Variants in PDE4D observed in about 807,000 individuals in gnomAD.
PDE4D encodes the protein 3',5'-cyclic-AMP phosphodiesterase 4D.
In PDE4D, 24 loss-of-function variants were observed where a neutral mutation model predicts 87.4. The observed-to-expected ratio is 0.27, with a 90% CI of 0.20 to 0.39. The LOEUF (loss-of-function observed/expected upper bound fraction) is 0.39. Among genes scored for constraint, PDE4D ranks in the 10% least tolerant of loss-of-function variants. The pLI is 1.00. For synonymous variants in PDE4D, 384 were observed against 383.2 expected (o/e 1.00, Z -0.02); for missense variants, 714 against 1,041.0 (o/e 0.69, Z 4.32).
chr5:59,622,126 T>C (rs190652934), intron 1 of PDE4D, among the ~76,000 whole-genome samples: 78 of 152,226 alleles, frequency 5.1e-4, no homozygotes, highest in African/African-American at 1.8e-3. Flanking sequence ...AAATCAGATA[T>C]TTTGACTTAG....
At chr5:59,493,908 G>T (rs922432226) in intron 1 of PDE4D, among the ~76,000 whole-genome samples, 5 of 152,142 alleles carry the variant, frequency 3.3e-5, no homozygotes, top group African/African-American at 1.2e-4. Flanking sequence ...ATAAAACAGT[G>T]ATCTAATCAC....
chr5:59,262,410 T>C (rs1333241467), intron 1 of PDE4D, among the ~76,000 whole-genome samples: 3 of 151,974 alleles, frequency 2.0e-5, no homozygotes, highest in Non-Finnish European at 4.4e-5. Context: ...AATTACTTCC[T>C]CATTATTAAG....
intron 5 of PDE4D, among the ~76,000 whole-genome samples, chr5:59,170,799 C>T (rs1476443760): frequency 2.6e-5 from 4 of 151,854 alleles, no homozygotes; most frequent in Non-Finnish European, 5.9e-5. Context: ...ATAGAATTCA[C>T]ACATTATTTA....
chr5:59,257,009 T>G (rs1246481137), intron 1 of PDE4D, among the ~76,000 whole-genome samples: 1 of 152,010 alleles, frequency 6.6e-6, no homozygotes, highest in Non-Finnish European at 1.5e-5. Flanking sequence ...CCATTTTGTA[T>G]AAAGAGGGGG....
chr5:59,093,957 T>C (rs925438918), intron 5 of PDE4D, among the ~76,000 whole-genome samples: 18 of 152,040 alleles, frequency 1.2e-4, no homozygotes, highest in Admixed American at 3.3e-4. Context: ...TGTTGGCTCA[T>C]GCCTGTAATC....
intron 1 of PDE4D, among the ~76,000 whole-genome samples, chr5:59,629,239 T>C (rs1831268294): frequency 6.6e-6 from 1 of 152,132 alleles, no homozygotes; most frequent in Non-Finnish European, 1.5e-5. Flanking sequence ...TGTGTCCCCC[T>C]ATCAAAATTA....
chr5:59,437,947 A>G (rs1040511493), intron 1 of PDE4D, among the ~76,000 whole-genome samples: 2 of 152,124 alleles, frequency 1.3e-5, no homozygotes, highest in African/African-American at 4.8e-5. Flanking sequence ...GGCAGAAGGC[A>G]CCTCTTCACA....
chr5:59,046,767 A>C (rs1374112479), intron 5 of PDE4D, among the ~76,000 whole-genome samples: 1 of 152,146 alleles, frequency 6.6e-6, no homozygotes, highest in East Asian at 1.9e-4. Flanking sequence ...GAGAAGAGTC[A>C]AAGAAAGAGG....
chr5:59,195,977 G>A (rs1745376539), intron 2 of PDE4D, among the ~76,000 whole-genome samples: 1 of 152,118 alleles, frequency 6.6e-6, no homozygotes, highest in Non-Finnish European at 1.5e-5. Flanking sequence ...TGGAAGCAGG[G>A]AGACCAGTGT....
At chr5:59,566,241 T>C (rs1820854221) in intron 1 of PDE4D, among the ~76,000 whole-genome samples, 2 of 152,144 alleles carry the variant, frequency 1.3e-5, no homozygotes, top group Admixed American at 6.5e-5. Context: ...ACTGTCAGGG[T>C]GAAGTAAGGA....
rs1034182044 is a variant in PDE4D, at chr5:59,647,838, C to T, written c.455+245330G>A. The stretch of plus-strand genomic sequence containing the variant: ...GATGACTGAATGGAACTATTAAACA[C>T]ATAACTTATTCATATGATTTTATTT... On this transcript the variant is annotated intron_variant, in intron 1 of 14. Transcript: ENST00000340635. 1.2e-4 allele frequency among the ~76,000 whole-genome samples: 18 copies of T among 152,226 alleles called. No homozygotes were observed. In the East Asian group the frequency reaches 3.3e-3, roughly 28 times the overall value.
chr5:60,507,597 T>C (rs973515205), intron 1 of PDE4D, among the ~76,000 whole-genome samples: 5 of 152,292 alleles, frequency 3.3e-5, no homozygotes, highest in Non-Finnish European at 7.4e-5. Flanking sequence ...ACTGACAATA[T>C]AGGAAGTTTT....
At chr5:59,679,067 T>A (rs1748597021) in intron 1 of PDE4D, among the ~76,000 whole-genome samples, 1 of 151,930 alleles carries the variant, frequency 6.6e-6, no homozygotes, top group African/African-American at 2.4e-5. Context: ...TTCACTTAGT[T>A]TATTTTCTCT....
intron 1 of PDE4D, among the ~76,000 whole-genome samples, chr5:59,731,965 T>G (rs574351802): frequency 6.6e-6 from 1 of 152,166 alleles, no homozygotes; most frequent in African/African-American, 2.4e-5. Context: ...GCACAAAAGG[T>G]TTTTTCCAGA....
At position 59,275,322 on chromosome 5, in the gene PDE4D, G is replaced by A. The variant is rs548275811; in HGVS notation, c.456-59354C>T. 1,437 of 1,586,002 alleles carry A rather than the reference G, an allele frequency of 9.1e-4. 22 individuals carry two copies. The South Asian group carries it at 0.015, about 17-fold the overall frequency. ...AAAAGAGAAAAGGGGAAAAGCATGA[G>A]AGAAAAGAACGTTACCAAACTGCCT... On this transcript the variant is annotated intron_variant, in intron 1 of 14. Coordinates refer to ENST00000340635, the MANE Select transcript of PDE4D (RefSeq NM_001104631.2).
intron 1 of PDE4D, among the ~76,000 whole-genome samples, chr5:60,303,482 T>C (rs1048674750): frequency 1.4e-4 from 21 of 152,012 alleles, no homozygotes; most frequent in African/African-American, 4.8e-4. Context: ...ATAATTTTTG[T>C]ATTTTTAGTA....
intron 2 of PDE4D, among the ~76,000 whole-genome samples, chr5:60,004,946 G>A (rs893865714): frequency 1.3e-5 from 2 of 152,242 alleles, no homozygotes; most frequent in Non-Finnish European, 2.9e-5. Flanking sequence ...GCACTCTAAT[G>A]TTTGGGTATA....
chr5:60,445,104 C>T (rs1745541068), intron 1 of PDE4D, among the ~76,000 whole-genome samples: 1 of 152,002 alleles, frequency 6.6e-6, no homozygotes, highest in Non-Finnish European at 1.5e-5. Flanking sequence ...ACAATTCAGC[C>T]AACTTTGTTG....
intron 1 of PDE4D, among the ~76,000 whole-genome samples, chr5:60,299,927 T>C (rs1753744758): frequency 6.6e-6 from 1 of 152,168 alleles, no homozygotes; most frequent in African/African-American, 2.4e-5. Context: ...AGTAATGGGA[T>C]CTGGCTCAAA....
Sources: gnomAD v4.1 joint callset for allele counts (sites outside exome capture counted in the v4.1 genomes callset) on GRCh38, gnomAD v4.1.1 for gene constraint, MANE v1.5 for transcripts, NCBI Gene and HGNC (gene_info 2026-07-23, HGNC 2026-07-21) for gene names.